CAMK4: variants seen among roughly 807,000 people sequenced by gnomAD.
CAMK4 encodes calcium/calmodulin-dependent protein kinase type IV.
Under a neutral mutation model 44.9 loss-of-function variants are expected in CAMK4, and 22 were observed. The ratio of observed to expected loss-of-function variants is 0.49; its 90% CI spans 0.35 to 0.70. CAMK4 has a LOEUF of 0.70. CAMK4 is among the 30% of genes least tolerant of loss of function. The probability of loss-of-function intolerance (pLI) is 0.01; values close to 1 mark genes in which losing one functional copy is unlikely to be tolerated. For missense variants in CAMK4, 498 were observed against 586.8 expected, an observed-to-expected ratio of 0.85 and a Z score of 1.56; for synonymous variants, 218 against 215.4, an observed-to-expected ratio of 1.01 and a Z score of -0.11.
chr5:111,274,556 A>G (rs556283199), intron 1 of CAMK4, among the ~76,000 whole-genome samples: 23 of 152,310 alleles, frequency 1.5e-4, no homozygotes, highest in Non-Finnish European at 2.5e-4. Context: ...ACATCTTCTT[A>G]TATGTCTACA....
intron 1 of CAMK4, among the ~76,000 whole-genome samples, chr5:111,240,032 G>T (rs1289630031): frequency 6.6e-6 from 1 of 152,144 alleles, no homozygotes; most frequent in Non-Finnish European, 1.5e-5. Flanking sequence ...TTCCACATCT[G>T]CAGACAAAAG....
rs148175297 is a variant in CAMK4 at position 111,489,427 on chromosome 5, C to G, written c.*4961C>G. 1 of 152,278 alleles carries G rather than the reference C, an allele frequency of 6.6e-6. No homozygotes were observed. The highest frequency in any genetic ancestry group is 2.4e-5 in the African/African-American group (1 of 41,578). 9.4% of individuals were successfully genotyped at this position (152,278 alleles called of 1,614,324 possible). On this transcript the variant is annotated 3_prime_UTR_variant, in exon 11 of 11. Transcript: ENST00000282356. Reference sequence around the variant, plus strand: ...ATAATCTCAGCTCATAAAGCTTGGCCATGTCTATACTTATCTTGGAGAGCA... The same window carrying G: ...ATAATCTCAGCTCATAAAGCTTGGCGATGTCTATACTTATCTTGGAGAGCA...
chr5:111,381,066 C>T (rs145036512), intron 4 of CAMK4, among the ~76,000 whole-genome samples: 8 of 152,238 alleles, frequency 5.3e-5, no homozygotes, highest in South Asian at 2.1e-4. Flanking sequence ...TCACCTTCTC[C>T]GCCTGTCAGC....
intron 5 of CAMK4, among the ~76,000 whole-genome samples, chr5:111,403,657 A>T (rs1197019180): frequency 6.6e-6 from 1 of 152,190 alleles, no homozygotes; most frequent in East Asian, 1.9e-4. Context: ...CTAGGGGCCC[A>T]ATCAGAGCAT....
intron 1 of CAMK4, among the ~76,000 whole-genome samples, chr5:111,338,052 T>G (rs1441530812): frequency 6.6e-6 from 1 of 151,206 alleles, no homozygotes; most frequent in Non-Finnish European, 1.5e-5. Context: ...GATCTTTGCA[T>G]GTTCTTGTTT....
At chr5:111,278,599 G>A (rs978223959) in intron 1 of CAMK4, among the ~76,000 whole-genome samples, 2 of 152,208 alleles carry the variant, frequency 1.3e-5, no homozygotes, top group African/African-American at 2.4e-5. Context: ...ACCAGGTAGT[G>A]TGTGCAGTTC....
intron 4 of CAMK4, among the ~76,000 whole-genome samples, chr5:111,381,733 G>C (rs1419406471): frequency 6.6e-6 from 1 of 151,992 alleles, no homozygotes; most frequent in Non-Finnish European, 1.5e-5. Flanking sequence ...TGTTCAAATA[G>C]ATTTTTTTTA....
intron 2 of CAMK4, among the ~76,000 whole-genome samples, chr5:111,357,558 C>CAA (rs1554064486): frequency 1.9e-4 from 29 of 152,018 alleles, no homozygotes; most frequent in Admixed American, 1.6e-3. Context: ...TCACTGTAAA[C>CAA]AGGACGAAAA....
intron 1 of CAMK4, among the ~76,000 whole-genome samples, chr5:111,262,427 T>C (rs961583114): frequency 1.3e-5 from 2 of 152,130 alleles, no homozygotes; most frequent in South Asian, 2.1e-4. Context: ...AAGGGATGGC[T>C]CCCAGGTTCT....
intron 4 of CAMK4, among the ~76,000 whole-genome samples, chr5:111,381,738 T>G (rs1751424066): frequency 2.0e-5 from 3 of 152,204 alleles, no homozygotes; most frequent in Admixed American, 2.0e-4. Context: ...AAATAGATTT[T>G]TTTTATTTTA....
At chr5:111,479,655 G>T (rs188740969) in intron 9 of CAMK4, among the ~76,000 whole-genome samples, 1 of 152,124 alleles carries the variant, frequency 6.6e-6, no homozygotes, top group Non-Finnish European at 1.5e-5. Flanking sequence ...TGATCCAGTC[G>T]TCCAGACTCC....
chr5:111,480,249 A>AAC (rs532395570), intron 9 of CAMK4, among the ~76,000 whole-genome samples: 5,114 of 121,236 alleles, frequency 0.042, 141 homozygotes, highest in African/African-American at 0.062. Flanking sequence ...TAGGCATGTA[A>AAC]ACACACACAC....
intron 1 of CAMK4, among the ~76,000 whole-genome samples, chr5:111,286,829 T>A (rs1751255250): frequency 6.6e-6 from 1 of 152,216 alleles, no homozygotes. Context: ...AGAAAACTGC[T>A]ACTAATGCTA....
At position 111,488,181 on chromosome 5, in the gene CAMK4, C is replaced by A. The variant is rs1167010060; in HGVS notation, c.*3715C>A. 1 of 152,220 alleles carries A rather than the reference C, an allele frequency of 6.6e-6. No individual in the cohort carries two copies. 9.4% of individuals were successfully genotyped at this position (152,220 alleles called of 1,614,324 possible). On this transcript the variant is annotated 3_prime_UTR_variant, in exon 11 of 11. Transcript: ENST00000282356. The stretch of plus-strand genomic sequence containing the variant: ...TAAGCTTCATGCCATCCTTGTATCA[C>A]AGGCAATATGTCTTTCTGGAAATCT...
chr5:111,413,290 T>C (rs1752693293), intron 5 of CAMK4, among the ~76,000 whole-genome samples: 1 of 152,192 alleles, frequency 6.6e-6, no homozygotes, highest in Non-Finnish European at 1.5e-5. Context: ...AAAATTATTA[T>C]GGAGCTGCCC....
rs532411211 is a variant in CAMK4 at position 111,360,685 on chromosome 5, T to C, written c.241-14165T>C. ...CAGACATGCTGATGAGAGAGTGCTT[T>C]GAGGATGTGCACACCACTGTATGGA... On this transcript the variant is annotated intron_variant, in intron 2 of 10. Coordinates refer to ENST00000282356, the MANE Select transcript of CAMK4 (RefSeq NM_001744.6). 4.6e-5 allele frequency among the ~76,000 whole-genome samples: 7 copies of C among 152,198 alleles called. No homozygotes were observed. In the South Asian group the frequency reaches 1.4e-3, roughly 32 times the overall value.
At chr5:111,266,344 C>A (rs1337193922) in intron 1 of CAMK4, among the ~76,000 whole-genome samples, 1 of 152,104 alleles carries the variant, frequency 6.6e-6, no homozygotes, top group Non-Finnish European at 1.5e-5. Context: ...TTTTCACTTT[C>A]ACATTCATGA....
At position 111,344,064 on chromosome 5, in the gene CAMK4, A is replaced by G; in HGVS notation, c.202A>G (p.Thr68Ala). 6.2e-7 allele frequency: 1 copy of G among 1,608,140 alleles called. No homozygotes were observed. Among genetic ancestry groups the G allele is most frequent in the Non-Finnish European group, 8.5e-7 (1 of 1,175,422 alleles). ...TGTGTACAGATGCAAACAGAAGGGG[A>G]CCCAGAAGCCTTATGCTCTCAAAGT... ...SIVYRCKQKG[T>A]QKPYALKVLK... The change falls in exon 2 of 11, where the codon ACC becomes GCC. Residue 68 changes from threonine to alanine, a missense_variant. Physicochemically the swap from Thr to Ala is moderately conservative, Grantham distance 58. Coordinates refer to ENST00000282356, the MANE Select transcript of CAMK4 (RefSeq NM_001744.6).
At chr5:111,250,531 G>C (rs1343703956) in intron 1 of CAMK4, among the ~76,000 whole-genome samples, 3 of 152,104 alleles carry the variant, frequency 2.0e-5, no homozygotes, top group African/African-American at 7.2e-5. Context: ...ATTTCTAGAA[G>C]AATGCTGACA....
Sources: gnomAD v4.1 joint callset for allele counts (sites outside exome capture counted in the v4.1 genomes callset) on GRCh38, gnomAD v4.1.1 for gene constraint, MANE v1.5 for transcripts, NCBI Gene and HGNC (gene_info 2026-07-23, HGNC 2026-07-21) for gene names.